RBFOX1: variants seen among roughly 807,000 people sequenced by gnomAD.
The protein encoded by RBFOX1 is RNA binding protein fox-1 homolog 1.
A neutral mutation model predicts 57.7 loss-of-function variants in RBFOX1; 8 were observed. The ratio of observed to expected loss-of-function variants is 0.14; its 90% CI spans 0.08 to 0.25. The LOEUF (loss-of-function observed/expected upper bound fraction) is 0.25, where lower values mean the gene tolerates loss of function less well. Ranked by LOEUF, RBFOX1 falls within the 10% of genes least tolerant of loss-of-function variation. The probability of loss-of-function intolerance (pLI) is 1.00; values close to 1 mark genes in which losing one functional copy is unlikely to be tolerated. For missense variants in RBFOX1, 611 were observed against 548.5 expected (o/e 1.11, Z -1.14); for synonymous variants, 326 against 222.4 (o/e 1.47, Z -4.15).
At chr16:5,431,733 A>T (rs1335258784) in intron 1 of RBFOX1, among the ~76,000 whole-genome samples, 1 of 152,192 alleles carries the variant, frequency 6.6e-6, no homozygotes, top group African/African-American at 2.4e-5. Context: ...ACCCATAGTC[A>T]TGCAGAAGAT....
chr16:5,366,428 A>T, intron 1 of RBFOX1: 1 of 449,304 alleles, frequency 2.2e-6, no homozygotes, highest in South Asian at 1.7e-5. Flanking sequence ...ACACAAGTCA[A>T]ATCAAAATGA....
At chr16:7,007,297 A>C (rs1157070402) in intron 3 of RBFOX1, among the ~76,000 whole-genome samples, 2 of 152,188 alleles carry the variant, frequency 1.3e-5, no homozygotes, top group Admixed American at 1.3e-4. Flanking sequence ...CATAGTCAGC[A>C]ATGGTACGAA....
chr16:6,032,054 G>C (rs917482782), intron 1 of RBFOX1, among the ~76,000 whole-genome samples: 1 of 151,944 alleles, frequency 6.6e-6, no homozygotes, highest in Non-Finnish European at 1.5e-5. Context: ...GCATTTTGGA[G>C]TGTGTTTTCA....
intron 3 of RBFOX1, among the ~76,000 whole-genome samples, chr16:6,679,369 T>A (rs1283382309): frequency 6.6e-6 from 1 of 152,162 alleles, no homozygotes; most frequent in Non-Finnish European, 1.5e-5. Context: ...TGGGAAATGC[T>A]TGTCTTGCTA....
At chr16:7,407,283 A>G (rs2098359730) in intron 4 of RBFOX1, among the ~76,000 whole-genome samples, 1 of 152,118 alleles carries the variant, frequency 6.6e-6, no homozygotes, top group African/African-American at 2.4e-5. Context: ...TACTCTGGCT[A>G]CCACAGGTAG....
intron 3 of RBFOX1, among the ~76,000 whole-genome samples, chr16:6,934,949 C>T (rs111674310): frequency 2.0e-5 from 3 of 152,034 alleles, no homozygotes; most frequent in African/African-American, 7.2e-5. Context: ...TTAGCTTGGC[C>T]TGGTGGCATT....
At chr16:6,521,479 C>G (rs777086539) in intron 2 of RBFOX1, among the ~76,000 whole-genome samples, 5 of 141,856 alleles carry the variant, frequency 3.5e-5, no homozygotes, top group Non-Finnish European at 6.1e-5. Flanking sequence ...TCTTCTCTTC[C>G]TCTCCCCTCT....
intron 2 of RBFOX1, among the ~76,000 whole-genome samples, chr16:6,560,908 G>T (rs1293659853): frequency 5.3e-5 from 8 of 152,118 alleles, no homozygotes; most frequent in Admixed American, 5.2e-4. Context: ...ATGAATGCAG[G>T]CCACATCAAG....
intron 3 of RBFOX1, among the ~76,000 whole-genome samples, chr16:6,822,102 C>G (rs1418258583): frequency 6.6e-6 from 1 of 152,054 alleles, no homozygotes; most frequent in Non-Finnish European, 1.5e-5. Flanking sequence ...TTTTCTGCAG[C>G]TACTGGGGGA....
At chr16:5,956,959 T>A (rs1415597092) in intron 4 of RBFOX1, among the ~76,000 whole-genome samples, 4 of 151,918 alleles carry the variant, frequency 2.6e-5, no homozygotes, top group African/African-American at 9.7e-5. Context: ...CCTGAGCCAC[T>A]GCGCCCAGCC....
At chr16:5,762,452 G>C (rs75447930) in intron 3 of RBFOX1, among the ~76,000 whole-genome samples, 2 of 151,980 alleles carry the variant, frequency 1.3e-5, no homozygotes, top group Admixed American at 1.3e-4. Context: ...GAAATACAAC[G>C]TGGAACAACC....
intron 3 of RBFOX1, among the ~76,000 whole-genome samples, chr16:5,626,852 AT>A (rs59649449): frequency 0.075 from 11,362 of 150,646 alleles, 1,364 homozygotes; most frequent in African/African-American, 0.26. Flanking sequence ...TATCCAAATC[AT>A]TTTTTTTTCT....
At chr16:5,703,646 C>A (rs920860569) in intron 3 of RBFOX1, among the ~76,000 whole-genome samples, 3 of 152,300 alleles carry the variant, frequency 2.0e-5, no homozygotes, top group Admixed American at 6.5e-5. Flanking sequence ...AGCTCAGCCA[C>A]TGAATAGGTT....
rs184896454 is a variant in RBFOX1, at chr16:6,207,200, T to G, written c.-126-109795T>G. 1.2e-4 allele frequency among the ~76,000 whole-genome samples: 19 copies of G among 152,316 alleles called. No individual in the cohort carries two copies. The East Asian group carries it at 3.5e-3, about 28-fold the overall frequency. On this transcript the variant is annotated intron_variant, in intron 1 of 15. Transcript: ENST00000550418. Reference sequence around the variant, plus strand: ...CTCTTTCGTTTCCCTGTCTTTTCCCTTTAGCTTTCTAGTGCTGTTAGTGGC... The same window carrying G: ...CTCTTTCGTTTCCCTGTCTTTTCCCGTTAGCTTTCTAGTGCTGTTAGTGGC...
At chr16:5,314,689 C>G (rs987223659) in intron 1 of RBFOX1, among the ~76,000 whole-genome samples, 12 of 151,918 alleles carry the variant, frequency 7.9e-5, no homozygotes, top group Non-Finnish European at 1.6e-4. Context: ...TTTGTAGAGA[C>G]ACGGTCTTGT....
At chr16:7,513,120 A>C (rs2075551161) in intron 4 of RBFOX1, among the ~76,000 whole-genome samples, 1 of 152,022 alleles carries the variant, frequency 6.6e-6, no homozygotes, top group Non-Finnish European at 1.5e-5. Flanking sequence ...AAAATTAGCC[A>C]GTCATCATGG....
chr16:7,386,598 G>T (rs1458153001), intron 4 of RBFOX1, among the ~76,000 whole-genome samples: 1 of 152,060 alleles, frequency 6.6e-6, no homozygotes, highest in South Asian at 2.1e-4. Flanking sequence ...GTGTATATGT[G>T]CCACATTTTC....
At chr16:5,463,259 A>G (rs2068846687) in intron 1 of RBFOX1, among the ~76,000 whole-genome samples, 1 of 151,940 alleles carries the variant, frequency 6.6e-6, no homozygotes, top group Non-Finnish European at 1.5e-5. Context: ...TCCAACTGAC[A>G]CCTTACTTTT....
At position 6,370,583 on chromosome 16, in the gene RBFOX1, G is replaced by T. The variant is rs75553824; in HGVS notation, c.-64+53526G>T. Among the ~76,000 whole-genome samples the T allele has an allele frequency of 3.3e-5, 5 of 152,008 alleles. No homozygotes were observed. The East Asian group carries it at 9.6e-4, about 29-fold the overall frequency. ...TTACGCTAAGTGAAAGAAACCAGTC[G>T]CAAAAGGACAAATATTGTATGATTC... On this transcript the variant is annotated intron_variant, in intron 2 of 15. Transcript: ENST00000550418.
Sources: gnomAD v4.1 joint callset for allele counts (sites outside exome capture counted in the v4.1 genomes callset) on GRCh38, gnomAD v4.1.1 for gene constraint, MANE v1.5 for transcripts, NCBI Gene and HGNC (gene_info 2026-07-23, HGNC 2026-07-21) for gene names.